NOL8: variants seen among roughly 807,000 people sequenced by gnomAD.
The protein encoded by NOL8 is nucleolar protein 8, also known as nucleolar protein Nop132.
In NOL8, 93 loss-of-function variants were observed where a neutral mutation model predicts 116.1. That is an observed-to-expected ratio of 0.80 (90% confidence interval 0.68 to 0.95). NOL8 has a LOEUF of 0.95. Among genes scored for constraint, NOL8 ranks in the 40% least tolerant of loss-of-function variants. The pLI is 0.00. For synonymous variants in NOL8, 419 were observed against 469.0 expected, an observed-to-expected ratio of 0.89 and a Z score of 1.38; for missense variants, 1,291 against 1,382.8, an observed-to-expected ratio of 0.93 and a Z score of 1.05.
At chr9:92,304,193 G>T in intron 12 of NOL8, among the ~76,000 whole-genome samples, 1 of 152,182 alleles carries the variant, frequency 6.6e-6, no homozygotes. Flanking sequence ...CAAGTCAACG[G>T]TCAGGAAGAA....
chr9:92,316,116 T>C lies in NOL8; in HGVS notation c.509A>G (p.Lys170Arg), dbSNP rs1470829454. Residue 170 changes from lysine (K) to arginine (R), a missense_variant, in exon 7 of 17, where the codon AAA becomes AGA. Coordinates refer to ENST00000442668, the MANE Select transcript of NOL8 (RefSeq NM_017948.6). ...TATCTTCTTCAGGTTGTGGCAGTAT[T>C]TTGAGGGATCATATTTGATGATGTT... The part of the protein sequence containing the change: ...KRKIIKYDPS[K>R]YCHNLKKIGE... 2 of 1,613,690 alleles carry C rather than the reference T, an allele frequency of 1.2e-6. No homozygotes were observed. Among genetic ancestry groups the C allele is most frequent in the East Asian group, 4.5e-5 (2 of 44,882 alleles).
At chr9:92,319,867 A>C (rs994042739) in intron 4 of NOL8, 6 of 362,450 alleles carry the variant, frequency 1.7e-5, no homozygotes, top group Non-Finnish European at 2.7e-5. Flanking sequence ...GTCCCACCAG[A>C]GCATGAGGGT....
intron 15 of NOL8, 189 bp from the exon 16 acceptor site, chr9:92,298,525 T>C (rs889279626): frequency 6.8e-5 from 36 of 530,142 alleles, no homozygotes; most frequent in South Asian, 1.4e-4. Context: ...TTACTGTTTA[T>C]ATATATCATT....
rs376716493 is a variant in NOL8, at chr9:92,315,863, T to A, written c.762A>T (p.Ala254=). The A allele has an allele frequency of 4.0e-5, 65 of 1,613,972 alleles. No individual in the cohort carries two copies. The African/African-American group carries it at 8.3e-4, about 21-fold the overall frequency. ...TAATGGAATCACAAGTTCTTTTTTG[T>A]GCAGCCTGTTGCTGTGTTAAGGGTG... ...ERPPLTQQQA[A]QKRTCDSITP... is the part of the protein sequence containing the mutation. Residue 254 remains alanine, a synonymous_variant, in exon 7 of 17, where the codon GCA becomes GCT. Transcript: ENST00000442668.
In NOL8 at chr9:92,299,972, G is replaced by C. The variant is rs757702656; in HGVS notation, c.3220C>G (p.Gln1074Glu). Residue 1074 changes from glutamine to glutamate, a missense_variant, in exon 14 of 17, where the codon CAG becomes GAG. Coordinates refer to ENST00000442668, the MANE Select transcript of NOL8 (RefSeq NM_017948.6). ...CTGTCTTGTAAACGAGGGTCTTCCT[G>C]CCAGACAATCTTTCCAGGTTTCACT... ...ETVKPGKIVWQEDPRLQDSSS... is the reference protein window; with the variant it reads ...ETVKPGKIVWEEDPRLQDSSS... The C allele has an allele frequency of 1.2e-6, 2 of 1,613,454 alleles. No individual in the cohort carries two copies. Among genetic ancestry groups the C allele is most frequent in the African/African-American group, 1.3e-5 (1 of 74,916 alleles).
chr9:92,298,208 T>C (rs188560839), intron 16 of NOL8, 49 bp downstream of exon 16: 17,089 of 1,343,368 alleles, frequency 0.013, 149 homozygotes, highest in Non-Finnish European at 0.015. Flanking sequence ...TAATTCTAGA[T>C]AGGTAACATG....
chr9:92,315,284 A>G lies in NOL8; in HGVS notation c.1341T>C (p.Arg447=). ...TGCTACTGGAGTGAGAGGGAGATTT[A>G]CGATTAAGAGACTTTAATCCATGAC... ...ALSHGLKSLN[R]KSPSHSSSSE... Residue 447 remains arginine, a synonymous_variant, in exon 7 of 17, where the codon CGT becomes CGC. Coordinates refer to ENST00000442668, the MANE Select transcript of NOL8 (RefSeq NM_017948.6). 6.2e-7 allele frequency: 1 copy of G among 1,614,014 alleles called. No individual in the cohort carries two copies. The highest frequency in any genetic ancestry group is 8.5e-7 in the Non-Finnish European group (1 of 1,179,880).
rs1317619252 is a variant in NOL8, at chr9:92,319,290, C to T, written c.348G>A (p.Leu116=). 6.3e-7 allele frequency: 1 copy of T among 1,597,280 alleles called. No homozygotes were observed. Among genetic ancestry groups the T allele is most frequent in the Non-Finnish European group, 8.5e-7 (1 of 1,173,376 alleles). ...AATCCACTCCTCCTGTCTTTTCTAACAAGTTGGCGTTACCTGTTGTTGATT... is the reference window on the plus strand; with the variant it reads ...AATCCACTCCTCCTGTCTTTTCTAATAAGTTGGCGTTACCTGTTGTTGATT... ...KEESTTGNAN[L]LEKTGGVDFH... is the part of the protein sequence containing the mutation. Residue 116 remains leucine, a synonymous_variant, in exon 5 of 17, where the codon TTG becomes TTA. Transcript: ENST00000442668.
intron 10 of NOL8, among the ~76,000 whole-genome samples, chr9:92,308,354 CCT>C (rs1387694735): frequency 6.6e-6 from 1 of 151,954 alleles, no homozygotes; most frequent in Non-Finnish European, 1.5e-5. Flanking sequence ...ACAGTGAGAT[CCT>C]GTCTCCAAAA....
At chr9:92,317,060 C>T (rs1041212575) in intron 6 of NOL8, among the ~76,000 whole-genome samples, 1 of 152,190 alleles carries the variant, frequency 6.6e-6, no homozygotes, top group Non-Finnish European at 1.5e-5. Flanking sequence ...TCAAGTGATC[C>T]TCCCAACTCA....
intron 4 of NOL8, among the ~76,000 whole-genome samples, 185 bp from the exon 5 acceptor site, chr9:92,319,541 T>C (rs538616204): frequency 6.6e-6 from 1 of 152,348 alleles, no homozygotes; most frequent in Admixed American, 6.5e-5. Flanking sequence ...TACAATGTTT[T>C]TATTATAGAA....
At position 92,297,798 on chromosome 9, in the gene NOL8, C is replaced by G; in HGVS notation, c.*38G>C. 1.3e-6 allele frequency: 2 copies of G among 1,492,082 alleles called. No individual in the cohort carries two copies. The highest frequency in any genetic ancestry group is 1.8e-6 in the Non-Finnish European group (2 of 1,099,380). The allele number at this position is 1,492,082 out of a possible 1,614,324, so 92.4% of individuals were successfully genotyped here. A position where few individuals can be genotyped will look rare whatever the true frequency, so the allele number is the denominator to read the frequency against. ...TTCTGGGTCAGTTTCCTTAGGTGAG[C>G]CTTGTTCACATTCAGTATCAAAACC... On this transcript the variant is annotated 3_prime_UTR_variant, in exon 17 of 17. Coordinates refer to ENST00000442668, the MANE Select transcript of NOL8 (RefSeq NM_017948.6).
rs1225996179 is a variant in NOL8 at position 92,321,674 on chromosome 9, A to C, written c.275T>G (p.Leu92Arg). The change falls in exon 4 of 17, where the codon CTG becomes CGG. Residue 92 changes from leucine (L) to arginine (R), a missense_variant. By Grantham distance (102) the Leu-to-Arg change is moderately radical. Transcript: ENST00000442668. The part of the protein sequence containing the change: ...LQIQLAKESF[L>R]HRLAQEREAA... ...CATGTGGAGCAAAACTTACCTGTGC[A>C]GAAAGCTTTCTTTTGCTAGTTGAAT... 6.5e-7 allele frequency: 1 copy of C among 1,529,224 alleles called. No homozygotes were observed. Among genetic ancestry groups the C allele is most frequent in the Non-Finnish European group, 8.8e-7 (1 of 1,139,022 alleles). 94.7% of individuals were successfully genotyped at this position (1,529,224 alleles called of 1,614,324 possible). A position where few individuals can be genotyped will look rare whatever the true frequency, so the allele number is the denominator to read the frequency against.
At chr9:92,320,190 G>T in intron 4 of NOL8, 1 of 456,072 alleles carries the variant, frequency 2.2e-6, no homozygotes, top group Non-Finnish European at 4.4e-6. Flanking sequence ...ACCTTCTTCA[G>T]GCCTGGACAA....
chr9:92,306,764 TCTGATA>T lies in NOL8; in HGVS notation c.2825+116_2825+121del, dbSNP rs1253513065. On this transcript the variant is annotated intron_variant, in intron 11 of 16. Transcript: ENST00000442668. ...TCAAAGGCAAGTATATTTTTAAGGGTCTGATACATATTGCCAGCTGCCTCCCCAGGC... is the reference window on the plus strand; with the variant it reads ...TCAAAGGCAAGTATATTTTTAAGGGTCATATTGCCAGCTGCCTCCCCAGGC... The T allele has an allele frequency of 6.2e-6, 5 of 812,550 alleles. No individual in the cohort carries two copies. The African/African-American group carries it at 8.6e-5, about 14-fold the overall frequency. The allele number at this position is 812,550 out of a possible 1,614,324, so 50.3% of individuals were successfully genotyped here.
intron 10 of NOL8, among the ~76,000 whole-genome samples, chr9:92,309,844 G>A (rs1256477043): frequency 2.0e-5 from 3 of 152,212 alleles, no homozygotes; most frequent in African/African-American, 4.8e-5. Flanking sequence ...TGACTTAACT[G>A]TCTTCCATGG....
At chr9:92,311,397 T>C (rs1278803228) in intron 7 of NOL8, 138 bp from the exon 8 acceptor site, 3 of 592,924 alleles carry the variant, frequency 5.1e-6, no homozygotes, top group East Asian at 5.7e-5. Flanking sequence ...GAAAAACTTA[T>C]CAACAAAGTA....
In NOL8 at chr9:92,316,092, A is replaced by T. The variant is rs776592572; in HGVS notation, c.533T>A (p.Ile178Lys). The change falls in exon 7 of 17, where the codon ATA (isoleucine) becomes AAA (lysine). Residue 178 changes from isoleucine to lysine, a missense_variant. Ile to Lys is a moderately radical substitution (Grantham distance 102, BLOSUM62 -3). Transcript: ENST00000442668. The stretch of plus-strand genomic sequence containing the variant: ...AATGGTGTTTGAGAAATCCTCCCCT[A>T]TCTTCTTCAGGTTGTGGCAGTATTT... ...PSKYCHNLKK[I>K]GEDFSNTIPI... The T allele has an allele frequency of 6.2e-7, 1 of 1,613,924 alleles. No individual in the cohort carries two copies. Among genetic ancestry groups the T allele is most frequent in the Non-Finnish European group, 8.5e-7 (1 of 1,179,846 alleles).
At position 92,310,174 on chromosome 9, in the gene NOL8, C is replaced by T. The variant is rs778137741; in HGVS notation, c.2683G>A (p.Glu895Lys). The T allele has an allele frequency of 5.6e-6, 9 of 1,602,338 alleles. No homozygotes were observed. Among genetic ancestry groups the T allele is most frequent in the African/African-American group, 1.3e-5 (1 of 74,914 alleles). ...CTCTGGACAATGAAGCATTTACCTT[C>T]CTGTTCCTCTTCACTGTCAGTTTCT... ...FLETDSEEEQ[E>K]EVNEKKTAEE... The change falls in exon 10 of 17, where the codon GAA (glutamate) becomes AAA (lysine). Residue 895 changes from glutamate (E) to lysine (K), a missense_variant. By Grantham distance (56) the Glu-to-Lys change is moderately conservative. Transcript: ENST00000442668.
Sources: gnomAD v4.1 joint callset for allele counts (sites outside exome capture counted in the v4.1 genomes callset) on GRCh38, gnomAD v4.1.1 for gene constraint, MANE v1.5 for transcripts, NCBI Gene and HGNC (gene_info 2026-07-23, HGNC 2026-07-21) for gene names.